The following MAPKAP1 variants were observed in gnomAD, a reference collection of about 807,000 sequenced individuals.
The protein encoded by MAPKAP1 is MAPK associated protein 1.
MAPKAP1 carries 20 observed loss-of-function variants against 65.7 expected under a neutral mutation model. That is an observed-to-expected ratio of 0.30 (90% CI 0.21 to 0.44). The LOEUF (loss-of-function observed/expected upper bound fraction) is 0.44. Among genes scored for constraint, MAPKAP1 ranks in the 20% least tolerant of loss-of-function variants. The pLI, the probability that MAPKAP1 is intolerant of heterozygous loss-of-function variation, is 1.00. For missense variants in MAPKAP1, 423 were observed against 648.0 expected (o/e 0.65, Z 3.77); for synonymous variants, 222 against 244.3 (o/e 0.91, Z 0.85).
chr9:125,607,310 G>C (rs1292632877), intron 4 of MAPKAP1, among the ~76,000 whole-genome samples: 1 of 152,134 alleles, frequency 6.6e-6, no homozygotes, highest in Non-Finnish European at 1.5e-5. Context: ...TCCTATCAAA[G>C]GAAGACAAGC....
intron 1 of MAPKAP1, among the ~76,000 whole-genome samples, chr9:125,684,223 G>A (rs576494731): frequency 1.2e-3 from 177 of 152,212 alleles, no homozygotes; most frequent in Non-Finnish European, 2.0e-3. Context: ...TTCCATCAAC[G>A]ATAATGTAAT....
intron 10 of MAPKAP1, among the ~76,000 whole-genome samples, chr9:125,446,683 A>G (rs1412553993): frequency 2.0e-5 from 3 of 152,096 alleles, no homozygotes; most frequent in Non-Finnish European, 4.4e-5. Flanking sequence ...ACACAAAGAC[A>G]CCAGGGCCTG....
intron 4 of MAPKAP1, among the ~76,000 whole-genome samples, chr9:125,620,299 A>C (rs1357225743): frequency 6.6e-6 from 1 of 152,146 alleles, no homozygotes; most frequent in Non-Finnish European, 1.5e-5. Flanking sequence ...CAGAGCGAAA[A>C]AAAAAATTAT....
chr9:125,494,253 G>A (rs181994201), intron 8 of MAPKAP1, among the ~76,000 whole-genome samples: 1 of 152,052 alleles, frequency 6.6e-6, no homozygotes, highest in Admixed American at 6.6e-5. Context: ...ATTTTTGCTG[G>A]TCTCTAAAAA....
At chr9:125,542,621 A>T (rs1316200324) in intron 7 of MAPKAP1, among the ~76,000 whole-genome samples, 1 of 152,084 alleles carries the variant, frequency 6.6e-6, no homozygotes, top group East Asian at 1.9e-4. Flanking sequence ...CCCTCATTTG[A>T]TAAGGATGAA....
chr9:125,618,391 A>C (rs1392996547), intron 4 of MAPKAP1, among the ~76,000 whole-genome samples: 5 of 150,160 alleles, frequency 3.3e-5, no homozygotes, highest in Admixed American at 6.6e-5. Context: ...CTGAATGTTA[A>C]AGACAACCCA....
At chr9:125,588,245 A>G (rs1424333969) in intron 4 of MAPKAP1, among the ~76,000 whole-genome samples, 1 of 152,240 alleles carries the variant, frequency 6.6e-6, no homozygotes, top group Non-Finnish European at 1.5e-5. Context: ...TGAAGTACTG[A>G]TACACACAGC....
At chr9:125,625,405 G>GAAAAACA (rs1157606520) in intron 4 of MAPKAP1, among the ~76,000 whole-genome samples, 2 of 151,618 alleles carry the variant, frequency 1.3e-5, no homozygotes, top group Non-Finnish European at 2.9e-5. Flanking sequence ...ATTATTGAGG[G>GAAAAACA]AAAAACAAAA....
At chr9:125,547,797 G>A (rs1830471437) in intron 6 of MAPKAP1, among the ~76,000 whole-genome samples, 1 of 152,200 alleles carries the variant, frequency 6.6e-6, no homozygotes, top group Admixed American at 6.5e-5. Flanking sequence ...TTTCCCAAGA[G>A]CTCCAAGGGG....
chr9:125,613,209 G>A (rs979946873), intron 4 of MAPKAP1, among the ~76,000 whole-genome samples: 9 of 152,174 alleles, frequency 5.9e-5, no homozygotes, highest in African/African-American at 1.9e-4. Flanking sequence ...AGACCTGAAG[G>A]TGTGCTCCCA....
chr9:125,692,647 G>A (rs12003308), intron 1 of MAPKAP1, among the ~76,000 whole-genome samples: 13,665 of 152,104 alleles, frequency 0.09, 1,925 homozygotes, highest in African/African-American at 0.3. Context: ...TTTATGGTAT[G>A]CGAATTATAT....
intron 4 of MAPKAP1, among the ~76,000 whole-genome samples, chr9:125,631,930 C>A (rs1237190300): frequency 6.6e-6 from 1 of 152,104 alleles, no homozygotes; most frequent in Non-Finnish European, 1.5e-5. Flanking sequence ...AAGAAACTCA[C>A]CATACTAGGC....
chr9:125,480,975 GAAAAAAAAAAA>G (rs536367888), intron 9 of MAPKAP1, among the ~76,000 whole-genome samples: 51 of 108,686 alleles, frequency 4.7e-4, no homozygotes, highest in South Asian at 9.4e-4. Flanking sequence ...CCGTTTCGGG[GAAAAAAAAAAA>G]AAAAAAAAAA....
intron 1 of MAPKAP1, among the ~76,000 whole-genome samples, chr9:125,687,421 C>T (rs576004782): frequency 1.4e-4 from 22 of 152,058 alleles, no homozygotes; most frequent in Non-Finnish European, 2.9e-4. Context: ...CGACTGTTTC[C>T]TCTACAGTGA....
intron 1 of MAPKAP1, among the ~76,000 whole-genome samples, chr9:125,702,146 C>T (rs1835617243): frequency 6.6e-6 from 1 of 152,132 alleles, no homozygotes; most frequent in Non-Finnish European, 1.5e-5. Context: ...CCTGTAATCC[C>T]AACAATTTGG....
intron 7 of MAPKAP1, among the ~76,000 whole-genome samples, chr9:125,526,563 A>G (rs912099843): frequency 6.6e-6 from 1 of 152,226 alleles, no homozygotes; most frequent in Non-Finnish European, 1.5e-5. Context: ...AGAAACAACT[A>G]TTTAATAATG....
chr9:125,630,141 G>T (rs1261453962), intron 4 of MAPKAP1, among the ~76,000 whole-genome samples: 1 of 152,004 alleles, frequency 6.6e-6, no homozygotes, highest in East Asian at 1.9e-4. Context: ...AGACAGTCAA[G>T]GGTCCAGGAA....
chr9:125,500,484 C>G (rs963037975), intron 8 of MAPKAP1, among the ~76,000 whole-genome samples: 1 of 152,114 alleles, frequency 6.6e-6, no homozygotes, highest in African/African-American at 2.4e-5. Context: ...TGAGCCATCA[C>G]GCCGGCCCCC....
chr9:125,547,702 G>T (rs1416636650), intron 6 of MAPKAP1, among the ~76,000 whole-genome samples: 1 of 152,154 alleles, frequency 6.6e-6, no homozygotes, highest in Non-Finnish European at 1.5e-5. Context: ...GGTAACACAG[G>T]GGCATTAAAA....
Sources: gnomAD v4.1 joint callset for allele counts (sites outside exome capture counted in the v4.1 genomes callset) on GRCh38, gnomAD v4.1.1 for gene constraint, MANE v1.5 for transcripts, NCBI Gene and HGNC (gene_info 2026-07-23, HGNC 2026-07-21) for gene names.